The following IGSF10 variants were observed in gnomAD, a reference collection of about 807,000 sequenced individuals.
The protein encoded by IGSF10 is immunoglobulin superfamily member 10, also known as calvaria mechanical force protein 608.
A neutral mutation model predicts 128.2 loss-of-function variants in IGSF10; 126 were observed. The ratio of observed to expected loss-of-function variants is 0.98; its 90% CI spans 0.85 to 1.14. The LOEUF is 1.14. Among genes scored for constraint, IGSF10 ranks in the 50% most tolerant of loss-of-function variants. The pLI is 0.00. For synonymous variants in IGSF10, 1,185 were observed against 1,146.2 expected (o/e 1.03, Z -0.68); for missense variants, 3,295 against 3,149.8 (o/e 1.05, Z -1.10).
chr3:151,463,202 C>T (rs61239202), upstream of IGSF10, among the ~76,000 whole-genome samples: 6,850 of 152,204 alleles, frequency 0.045, 400 homozygotes, highest in African/African-American at 0.12. Context: ...TCTTCTCTGA[C>T]GTATTTTCTA....
At chr3:151,519,169 G>T in the IGSF10 span, among the ~76,000 whole-genome samples, 1 of 151,844 alleles carries the variant, frequency 6.6e-6, no homozygotes, top group Non-Finnish European at 1.5e-5. Context: ...GTGACATGAA[G>T]CAATTAGCAT....
the IGSF10 span, among the ~76,000 whole-genome samples, chr3:151,504,702 T>C: frequency 6.6e-6 from 1 of 152,238 alleles, no homozygotes; most frequent in Admixed American, 6.5e-5. Context: ...CATCATGAAC[T>C]ATAACCTAAA....
the IGSF10 span, among the ~76,000 whole-genome samples, chr3:151,579,812 TACGAAGGAAAGAAGAA>T: frequency 0.22 from 31,848 of 143,562 alleles, 4,028 homozygotes; most frequent in South Asian, 0.48. Context: ...GAATAAATAT[TACGAAGGAAAGAAGAA>T]AGGAAGGAAG....
At chr3:151,453,323 T>C (rs1721599253) in intron 5 of IGSF10, 61 bp downstream of exon 5, 1 of 1,361,494 alleles carries the variant, frequency 7.3e-7, no homozygotes, top group Admixed American at 2.3e-5. Context: ...CTTCCTAATA[T>C]AATACCTCCA....
chr3:151,579,602 G>C, the IGSF10 span, among the ~76,000 whole-genome samples: 2 of 144,424 alleles, frequency 1.4e-5, no homozygotes, highest in African/African-American at 5.1e-5. Context: ...AAAAAGTAAA[G>C]AAAAAAAAAA....
the IGSF10 span, among the ~76,000 whole-genome samples, chr3:151,616,782 G>A: frequency 0.32 from 49,181 of 152,026 alleles, 8,503 homozygotes; most frequent in East Asian, 0.64. Flanking sequence ...TCTACGAAAT[G>A]CGTCTTATTC....
the IGSF10 span, among the ~76,000 whole-genome samples, chr3:151,554,905 G>GC: frequency 6.6e-6 from 1 of 152,062 alleles, no homozygotes; most frequent in South Asian, 2.1e-4. Flanking sequence ...AATACTAAAT[G>GC]GTTTCCATTT....
Position 151,436,541 on chromosome 3 carries a change from ATTTACAAGTCCT to A in IGSF10, c.*136_*147del. On this transcript the variant is annotated 3_prime_UTR_variant, in exon 8 of 8. Coordinates refer to ENST00000282466, the MANE Select transcript of IGSF10 (RefSeq NM_178822.5). ...AGTATCATCAGTTCATAATGCATTTATTTACAAGTCCTTTTATTTTGCATGTTCATTGTAAAT... is the reference window on the plus strand; with the variant it reads ...AGTATCATCAGTTCATAATGCATTTATTTATTTTGCATGTTCATTGTAAAT... 1.7e-6 allele frequency: 1 copy of A among 601,132 alleles called. No homozygotes were observed. Among genetic ancestry groups the A allele is most frequent in the Admixed American group, 3.4e-5 (1 of 29,482 alleles). The allele number at this position is 601,132 out of a possible 1,614,324, so 37.2% of individuals were successfully genotyped here. A position where few individuals can be genotyped will look rare whatever the true frequency, so the allele number is the denominator to read the frequency against.
chr3:151,523,042 A>T, the IGSF10 span, among the ~76,000 whole-genome samples: 1 of 152,190 alleles, frequency 6.6e-6, no homozygotes, highest in African/African-American at 2.4e-5. Flanking sequence ...TTGAGAGCAA[A>T]TCAGAAAGGC....
chr3:151,570,994 C>T, the IGSF10 span, among the ~76,000 whole-genome samples: 1 of 152,154 alleles, frequency 6.6e-6, no homozygotes, highest in Admixed American at 6.5e-5. Context: ...AATAGGGAAT[C>T]CTTTCCCCAT....
At chr3:151,547,262 A>G in the IGSF10 span, among the ~76,000 whole-genome samples, 1 of 152,124 alleles carries the variant, frequency 6.6e-6, no homozygotes, top group African/African-American at 2.4e-5. Context: ...TTAGAACAAT[A>G]TTCATTTTGT....
chr3:151,442,349 CAG>C (rs1355264187), intron 7 of IGSF10, among the ~76,000 whole-genome samples: 2 of 150,016 alleles, frequency 1.3e-5, no homozygotes, highest in South Asian at 2.1e-4. Flanking sequence ...GTTTTGTTTA[CAG>C]AGAGTGTGAA....
chr3:151,450,786 C>T (rs935920097), intron 5 of IGSF10, among the ~76,000 whole-genome samples: 1 of 150,102 alleles, frequency 6.7e-6, no homozygotes, highest in Admixed American at 6.7e-5. Flanking sequence ...ATCCCAGCTG[C>T]TCGGGAGGCT....
chr3:151,543,128 A>G, the IGSF10 span, among the ~76,000 whole-genome samples: 7 of 152,200 alleles, frequency 4.6e-5, no homozygotes, highest in Non-Finnish European at 1.0e-4. Flanking sequence ...GAATATTTGT[A>G]AGAATTCTCT....
the IGSF10 span, among the ~76,000 whole-genome samples, chr3:151,591,045 G>A: frequency 6.6e-6 from 1 of 152,194 alleles, no homozygotes; most frequent in Admixed American, 6.5e-5. Flanking sequence ...AGATTCTAAT[G>A]GTGGAAGAGA....
At chr3:151,574,377 T>G in the IGSF10 span, among the ~76,000 whole-genome samples, 1 of 152,246 alleles carries the variant, frequency 6.6e-6, no homozygotes, top group East Asian at 1.9e-4. Flanking sequence ...ATTTGGTCTT[T>G]TCACATAGTC....
the IGSF10 span, among the ~76,000 whole-genome samples, chr3:151,509,784 G>A: frequency 2.0e-5 from 3 of 152,188 alleles, no homozygotes; most frequent in Non-Finnish European, 4.4e-5. Flanking sequence ...CCCTAATACT[G>A]CACTTTTCCA....
At chr3:151,536,358 T>C in the IGSF10 span, among the ~76,000 whole-genome samples, 1 of 152,148 alleles carries the variant, frequency 6.6e-6, no homozygotes, top group Admixed American at 6.5e-5. Flanking sequence ...CAGTCTGAGG[T>C]TGATGATTCT....
the IGSF10 span, among the ~76,000 whole-genome samples, chr3:151,618,286 G>C: frequency 1.3e-5 from 2 of 152,060 alleles, no homozygotes; most frequent in Non-Finnish European, 2.9e-5. Context: ...CAGAATGTTA[G>C]GAAATACATT....
Sources: allele counts gnomAD v4.1 joint callset (sites outside exome capture counted in the v4.1 genomes callset), GRCh38; gene constraint gnomAD v4.1.1; transcripts MANE v1.5; gene names NCBI Gene and HGNC (gene_info 2026-07-23, HGNC 2026-07-21).